The following ZFPM2 variants were observed in gnomAD, a reference collection of about 807,000 sequenced individuals.
The protein encoded by ZFPM2 is zinc finger protein, FOG family member 2.
In ZFPM2, 20 loss-of-function variants were observed where a neutral mutation model predicts 98.6. That is an observed-to-expected ratio of 0.20 (90% confidence interval 0.14 to 0.29). The LOEUF is 0.29. ZFPM2 is among the 10% of genes least tolerant of loss of function. The probability of loss-of-function intolerance (pLI) is 1.00; values close to 1 mark genes in which losing one functional copy is unlikely to be tolerated. For synonymous variants in ZFPM2, 518 were observed against 502.7 expected (o/e 1.03, Z -0.41); for missense variants, 1,310 against 1,388.6 (o/e 0.94, Z 0.90).
intron 1 of ZFPM2, among the ~76,000 whole-genome samples, chr8:105,348,788 G>T (rs189452398): frequency 1.2e-4 from 18 of 152,062 alleles, no homozygotes; most frequent in Admixed American, 1.1e-3. Context: ...TTTGTAATTA[G>T]AGAAAAAGAC....
At chr8:105,343,761 G>T (rs1812470648) in intron 1 of ZFPM2, among the ~76,000 whole-genome samples, 1 of 152,136 alleles carries the variant, frequency 6.6e-6, no homozygotes, top group Non-Finnish European at 1.5e-5. Flanking sequence ...ATGGCAATTA[G>T]AAAGTTGGGG....
chr8:105,673,020 C>G (rs180777089), intron 5 of ZFPM2, among the ~76,000 whole-genome samples: 2 of 150,692 alleles, frequency 1.3e-5, no homozygotes, highest in East Asian at 3.9e-4. Context: ...GGAATGAAAC[C>G]TTGCCTGTTA....
intron 4 of ZFPM2, among the ~76,000 whole-genome samples, chr8:105,565,308 A>G (rs939999987): frequency 6.6e-6 from 1 of 152,190 alleles, no homozygotes; most frequent in African/African-American, 2.4e-5. Flanking sequence ...ATTATATAAC[A>G]CACTGAACAT....
In ZFPM2 at chr8:105,600,979, G is replaced by A. The variant is rs1816080315; in HGVS notation, c.421-33267G>A. The stretch of plus-strand genomic sequence containing the variant: ...TCTTATATTTTGTTGTGCACTAAGT[G>A]CTAGATCATCATTTAGTGTTCAGCT... On this transcript the variant is annotated intron_variant, in intron 4 of 7. Coordinates refer to ENST00000407775, the MANE Select transcript of ZFPM2 (RefSeq NM_012082.4). Among the ~76,000 whole-genome samples the A allele has an allele frequency of 2.6e-5, 4 of 152,078 alleles. No individual in the cohort carries two copies. The South Asian group carries it at 8.3e-4, about 32-fold the overall frequency.
At chr8:105,460,636 C>A (rs1224124509) in intron 3 of ZFPM2, among the ~76,000 whole-genome samples, 1 of 152,012 alleles carries the variant, frequency 6.6e-6, no homozygotes, top group African/African-American at 2.4e-5. Context: ...AAGGTGTCCA[C>A]ATCATTAATA....
chr8:105,319,064 G>A, intron 1 of ZFPM2, 83 bp downstream of exon 1: 2 of 1,427,662 alleles, frequency 1.4e-6, no homozygotes, highest in Non-Finnish European at 1.9e-6. Context: ...GTGGGTGGGT[G>A]GCGGGGCTAG....
intron 1 of ZFPM2, among the ~76,000 whole-genome samples, chr8:105,401,761 A>G (rs1811346376): frequency 1.3e-5 from 2 of 152,136 alleles, no homozygotes; most frequent in Admixed American, 1.3e-4. Context: ...CACTTTTTTA[A>G]ATAGTTGTCT....
intron 5 of ZFPM2, chr8:105,662,296 G>A (rs1396511633): frequency 2.0e-5 from 3 of 152,062 alleles, no homozygotes; most frequent in African/African-American, 7.2e-5. Context: ...CGAGAAGGGG[G>A]CATTTTTACA....
intron 4 of ZFPM2, among the ~76,000 whole-genome samples, chr8:105,562,995 G>A (rs116353683): frequency 8.6e-4 from 131 of 152,270 alleles, no homozygotes; most frequent in African/African-American, 3.0e-3. Context: ...GAAGAAAAAT[G>A]TTTCATATTC....
intron 1 of ZFPM2, among the ~76,000 whole-genome samples, chr8:105,394,273 A>G (rs2129951418): frequency 6.6e-6 from 1 of 152,312 alleles, no homozygotes; most frequent in African/African-American, 2.4e-5. Flanking sequence ...CAAATCAAAC[A>G]GGGGCATCTC....
chr8:105,497,245 A>T (rs994258923), intron 3 of ZFPM2, among the ~76,000 whole-genome samples: 1 of 152,046 alleles, frequency 6.6e-6, no homozygotes, highest in Non-Finnish European at 1.5e-5. Flanking sequence ...TTGGCCTCCC[A>T]AAGTGCTGGG....
chr8:105,641,399 T>C (rs572725948), intron 5 of ZFPM2, among the ~76,000 whole-genome samples: 2 of 152,188 alleles, frequency 1.3e-5, no homozygotes, highest in East Asian at 3.9e-4. Flanking sequence ...GTTCTATTAA[T>C]ATTTTGAGGA....
intron 3 of ZFPM2, among the ~76,000 whole-genome samples, chr8:105,497,552 C>T (rs1217741364): frequency 6.6e-6 from 1 of 152,088 alleles, no homozygotes; most frequent in Non-Finnish European, 1.5e-5. Flanking sequence ...TGGAAATTCT[C>T]TGCCCATATT....
rs10550161 is a variant in ZFPM2, at chr8:105,330,595, CATATAT to C, written c.40+11624_40+11629del. 4.3e-3 allele frequency among the ~76,000 whole-genome samples: 376 copies of C among 88,212 alleles called. 7 individuals carry two copies. Among genetic ancestry groups the C allele is most frequent in the Non-Finnish European group, 5.8e-3 (264 of 45,450 alleles). The allele number at this position is 88,212 out of a possible 152,430, so 57.9% of individuals were successfully genotyped here. ...ATATATATATACATATATATATATACATATATATATATATACACATATATATATATA... is the reference window on the plus strand; with the variant it reads ...ATATATATATACATATATATATATACATATATATACACATATATATATATA... On this transcript the variant is annotated intron_variant, in intron 1 of 7. Transcript: ENST00000407775.
At chr8:105,562,856 C>T (rs900501417) in intron 4 of ZFPM2, among the ~76,000 whole-genome samples, 1 of 152,258 alleles carries the variant, frequency 6.6e-6, no homozygotes, top group Non-Finnish European at 1.5e-5. Flanking sequence ...AAGGAATGTT[C>T]GCAAGTTCTA....
At chr8:105,421,554 A>T (rs1458658330) in intron 2 of ZFPM2, among the ~76,000 whole-genome samples, 2 of 151,948 alleles carry the variant, frequency 1.3e-5, no homozygotes, top group Non-Finnish European at 2.9e-5. Context: ...AAGAAAGACA[A>T]CTCTTTGATA....
chr8:105,595,082 A>G (rs1815940044), intron 4 of ZFPM2, among the ~76,000 whole-genome samples: 1 of 152,140 alleles, frequency 6.6e-6, no homozygotes, highest in Admixed American at 6.6e-5. Context: ...ATGTTAGAGA[A>G]CCAGGTTTAG....
At chr8:105,381,915 A>T (rs1810897208) in intron 1 of ZFPM2, among the ~76,000 whole-genome samples, 2 of 152,152 alleles carry the variant, frequency 1.3e-5, no homozygotes, top group African/African-American at 4.8e-5. Context: ...TTGAAGTTGT[A>T]AACATTATTT....
intron 3 of ZFPM2, among the ~76,000 whole-genome samples, chr8:105,463,412 G>GTA (rs1261365403): frequency 6.6e-6 from 1 of 151,642 alleles, no homozygotes; most frequent in African/African-American, 2.4e-5. Context: ...ATGTGTGTGT[G>GTA]TATATATATA....
Sources: allele counts gnomAD v4.1 joint callset (sites outside exome capture counted in the v4.1 genomes callset), GRCh38; gene constraint gnomAD v4.1.1; transcripts MANE v1.5; gene names NCBI Gene and HGNC (gene_info 2026-07-23, HGNC 2026-07-21).